CDCA7L: variants seen among roughly 807,000 people sequenced by gnomAD.
CDCA7L encodes the protein cell division cycle associated 7 like, also known as cell division cycle-associated 7-like protein.
Under a neutral mutation model 57.4 loss-of-function variants are expected in CDCA7L, and 44 were observed. The ratio of observed to expected loss-of-function variants is 0.77; its 90% CI spans 0.60 to 0.98. CDCA7L has a LOEUF of 0.98. CDCA7L is among the 50% of genes least tolerant of loss of function. The pLI is 0.00. For missense variants in CDCA7L, 644 were observed against 580.6 expected (o/e 1.11, Z -1.12); for synonymous variants, 236 against 202.8 (o/e 1.16, Z -1.39).
Position 21,904,228 on chromosome 7 carries a change from GT to G in CDCA7L, c.1078del (p.Thr360ProfsTer92), listed in dbSNP as rs751404358. 6.2e-7 allele frequency: 1 copy of G among 1,612,118 alleles called. No homozygotes were observed. ...GNTCHQCRQK[T>X]IDTKTVCRNQ... Reference sequence around the variant, plus strand: ...CCGACACACTGTCTTGGTGTCGATGGTCTTTTGTCGACACTGATGGCACGTG... The same window carrying G: ...CCGACACACTGTCTTGGTGTCGATGGCTTTTGTCGACACTGATGGCACGTG... On this transcript the variant is annotated frameshift_variant, in exon 8 of 10. Coordinates refer to ENST00000406877, the MANE Select transcript of CDCA7L (RefSeq NM_018719.5). LOFTEE classifies it high-confidence loss of function.
At chr7:21,902,486 T>TTTATGCATCAA in intron 9 of CDCA7L, 134 bp from the exon 10 acceptor site, 2 of 843,854 alleles carry the variant, frequency 2.4e-6, no homozygotes, top group Non-Finnish European at 4.0e-6. Context: ...ATCCTGACAA[T>TTTATGCATCAA]TTATGCATCA....
chr7:21,918,196 A>T (rs954441341), intron 1 of CDCA7L, among the ~76,000 whole-genome samples: 40 of 152,292 alleles, frequency 2.6e-4, no homozygotes, highest in Admixed American at 1.0e-3. Context: ...TTTTTAAAAA[A>T]TTTTTCATTA....
At chr7:21,927,111 C>G (rs1421780952) in intron 1 of CDCA7L, among the ~76,000 whole-genome samples, 1 of 152,024 alleles carries the variant, frequency 6.6e-6, no homozygotes, top group Non-Finnish European at 1.5e-5. Flanking sequence ...AACAAAAGAA[C>G]AAAGACATAT....
In CDCA7L at chr7:21,906,341, G is replaced by A. The variant is rs762865786; in HGVS notation, c.869C>T (p.Ala290Val). 5.0e-6 allele frequency: 8 copies of A among 1,612,244 alleles called. No homozygotes were observed. Among genetic ancestry groups the A allele is most frequent in the Non-Finnish European group, 6.8e-6 (8 of 1,179,142 alleles). Residue 290 changes from alanine to valine, a missense_variant, in exon 6 of 10, where the codon GCC becomes GTC. Physicochemically the swap from Ala to Val is moderately conservative, Grantham distance 64. Transcript: ENST00000406877. Reference sequence around the variant, plus strand: ...GTAAAACTCTTCCGCAAATTTAGCGGCTGAGACAGTGAAGTTCTCTAGAGC... The same window carrying A: ...GTAAAACTCTTCCGCAAATTTAGCGACTGAGACAGTGAAGTTCTCTAGAGC... ...KFALENFTVSAAKFAEEFYSF... is the reference protein window; with the variant it reads ...KFALENFTVSVAKFAEEFYSF...
chr7:21,903,031 G>A lies in CDCA7L; in HGVS notation c.1281C>T (p.Leu427=). Residue 427 remains leucine, a synonymous_variant, in exon 9 of 10, where the codon CTC becomes CTT. Coordinates refer to ENST00000406877, the MANE Select transcript of CDCA7L (RefSeq NM_018719.5). Reference sequence around the variant, plus strand: ...AACCATAAAACTTGGCCAGATGAATGAGGATTCCTGTGGCACAGCGGCCGT... The same window carrying A: ...AACCATAAAACTTGGCCAGATGAATAAGGATTCCTGTGGCACAGCGGCCGT... The part of the protein sequence containing the change: ...KRDGRCATGI[L]IHLAKFYGYD... 1 of 1,613,986 alleles carries A rather than the reference G, an allele frequency of 6.2e-7. No individual in the cohort carries two copies.
At position 21,904,219 on chromosome 7, in the gene CDCA7L, GTGTCGATGGTCTTT is replaced by G. The variant is rs1339245105; in HGVS notation, c.1074_1087del (p.Gln358HisfsTer57). The G allele has an allele frequency of 2.5e-6, 4 of 1,613,070 alleles. No homozygotes were observed. Among genetic ancestry groups the G allele is most frequent in the Non-Finnish European group, 3.4e-6 (4 of 1,179,600 alleles). Reference sequence around the variant, plus strand: ...ACCCTGGTTCCGACACACTGTCTTGGTGTCGATGGTCTTTTGTCGACACTGATGGCACGTGTTAC... The same window carrying G: ...ACCCTGGTTCCGACACACTGTCTTGGTGTCGACACTGATGGCACGTGTTAC... On this transcript the variant is annotated frameshift_variant, in exon 8 of 10. Coordinates refer to ENST00000406877, the MANE Select transcript of CDCA7L (RefSeq NM_018719.5). LOFTEE classifies it high-confidence loss of function.
intron 9 of CDCA7L, 98 bp from the exon 10 acceptor site, chr7:21,902,450 A>T: frequency 8.5e-7 from 1 of 1,180,992 alleles, no homozygotes; most frequent in Non-Finnish European, 1.3e-6. Context: ...GTACAAAGCC[A>T]GAACCCAGAT....
intron 1 of CDCA7L, among the ~76,000 whole-genome samples, chr7:21,927,653 G>A (rs1199958570): frequency 1.3e-5 from 2 of 152,224 alleles, no homozygotes; most frequent in African/African-American, 4.8e-5. Flanking sequence ...TGAAAGGCAT[G>A]AATTGGAATA....
In CDCA7L at chr7:21,911,846, G is replaced by C. The variant is rs556689065; in HGVS notation, c.166-92C>G. ...TGAGGAGCTACTGAACGGGTACAGA[G>C]CTTCTGATGGAGATGACGAAAATGG... On this transcript the variant is annotated intron_variant, in intron 2 of 9. Coordinates refer to ENST00000406877, the MANE Select transcript of CDCA7L (RefSeq NM_018719.5). The C allele has an allele frequency of 4.9e-6, 6 of 1,219,614 alleles. No homozygotes were observed. In the South Asian group the frequency reaches 8.8e-5, roughly 18 times the overall value. 75.5% of individuals were successfully genotyped at this position (1,219,614 alleles called of 1,614,324 possible). A position where few individuals can be genotyped will look rare whatever the true frequency, so the allele number is the denominator to read the frequency against.
intron 1 of CDCA7L, among the ~76,000 whole-genome samples, chr7:21,939,846 T>C (rs1786285111): frequency 6.6e-6 from 1 of 151,274 alleles, no homozygotes; most frequent in African/African-American, 2.4e-5. Context: ...ATCACTCAGA[T>C]GACAACCACA....
At chr7:21,933,927 T>C (rs1786089485) in intron 1 of CDCA7L, among the ~76,000 whole-genome samples, 2 of 151,038 alleles carry the variant, frequency 1.3e-5, no homozygotes, top group Admixed American at 1.3e-4. Flanking sequence ...ACAAGAATTC[T>C]CCATCTGGTT....
rs1386761425 is a variant in CDCA7L, at chr7:21,906,694, T to A, written c.682-55A>T. The A allele has an allele frequency of 2.6e-6, 4 of 1,530,090 alleles. No individual in the cohort carries two copies. In the East Asian group the frequency reaches 9.0e-5, roughly 34 times the overall value. The allele number at this position is 1,530,090 out of a possible 1,614,324, so 94.8% of individuals were successfully genotyped here. ...ACAAAAATAGGGCTCCAGGTTTAGGTCATCCAACACCTATCTCAAGTCTTC... is the reference window on the plus strand; with the variant it reads ...ACAAAAATAGGGCTCCAGGTTTAGGACATCCAACACCTATCTCAAGTCTTC... On this transcript the variant is annotated intron_variant, in intron 4 of 9. Transcript: ENST00000406877.
chr7:21,906,732 A>G (rs1785155029), intron 4 of CDCA7L, 93 bp from the exon 5 acceptor site: 6 of 1,175,580 alleles, frequency 5.1e-6, no homozygotes. Flanking sequence ...TTTTGCCACC[A>G]TAAGAAACCT....
chr7:21,906,351 T>TGAA lies in CDCA7L; in HGVS notation c.856_858dup (p.Phe286dup). The TGAA allele has an allele frequency of 6.2e-7, 1 of 1,613,500 alleles. No individual in the cohort carries two copies. The highest frequency in any genetic ancestry group is 8.5e-7 in the Non-Finnish European group (1 of 1,179,614). On this transcript the variant is annotated inframe_insertion, in exon 6 of 10. Coordinates refer to ENST00000406877, the MANE Select transcript of CDCA7L (RefSeq NM_018719.5). ...TCCGCAAATTTAGCGGCTGAGACAG[T>TGAA]GAAGTTCTCTAGAGCAAACTTCTCA...
At chr7:21,913,491 G>C (rs145635484) in intron 2 of CDCA7L, among the ~76,000 whole-genome samples, 1 of 152,222 alleles carries the variant, frequency 6.6e-6, no homozygotes, top group Non-Finnish European at 1.5e-5. Flanking sequence ...GGTCGGGGTA[G>C]AGAAGCAGCC....
intron 1 of CDCA7L, among the ~76,000 whole-genome samples, chr7:21,922,083 G>T (rs764963104): frequency 3.9e-5 from 6 of 152,128 alleles, no homozygotes; most frequent in Non-Finnish European, 7.3e-5. Flanking sequence ...ATTTTCTTAA[G>T]AAAGGTGTAT....
At chr7:21,903,369 A>G (rs1011548943) in intron 8 of CDCA7L, among the ~76,000 whole-genome samples, 1 of 152,160 alleles carries the variant, frequency 6.6e-6, no homozygotes, top group African/African-American at 2.4e-5. Context: ...GCATTTGGCC[A>G]AGCACAGGGC....
chr7:21,929,305 G>A (rs1785921220), intron 1 of CDCA7L, among the ~76,000 whole-genome samples: 1 of 152,042 alleles, frequency 6.6e-6, no homozygotes, highest in African/African-American at 2.4e-5. Context: ...CCTGAAGGAA[G>A]CACTAAACAT....
intron 2 of CDCA7L, among the ~76,000 whole-genome samples, chr7:21,912,424 G>T (rs1785362032): frequency 6.6e-6 from 1 of 151,916 alleles, no homozygotes; most frequent in Admixed American, 6.6e-5. Context: ...AATGTGACTG[G>T]TAAGTGCTCA....
Sources: allele counts gnomAD v4.1 joint callset (sites outside exome capture counted in the v4.1 genomes callset), GRCh38; gene constraint gnomAD v4.1.1; transcripts MANE v1.5; gene names NCBI Gene and HGNC (gene_info 2026-07-23, HGNC 2026-07-21).